Variants in ADGRG2 observed in about 807,000 individuals in gnomAD.
The protein encoded by ADGRG2 is G protein-coupled receptor 64.
A neutral mutation model predicts 74.1 loss-of-function variants in ADGRG2; 26 were observed. That is an observed-to-expected ratio of 0.35 (90% CI 0.26 to 0.49). ADGRG2 has a LOEUF of 0.49. Among genes scored for constraint, ADGRG2 ranks in the 20% least tolerant of loss-of-function variants. The probability of loss-of-function intolerance (pLI) is 0.99; values close to 1 mark genes in which losing one functional copy is unlikely to be tolerated. For synonymous variants in ADGRG2, 296 were observed against 295.2 expected, an observed-to-expected ratio of 1.00 and a Z score of -0.03; for missense variants, 619 against 763.1, an observed-to-expected ratio of 0.81 and a Z score of 2.22.
chrX:19,091,262 C>A (rs1004212203), intron 1 of ADGRG2, among the ~76,000 whole-genome samples: 2 of 110,589 alleles, frequency 1.8e-5, no homozygotes, highest in African/African-American at 6.6e-5. Context: ...TGGAAAGTCA[C>A]TGAAGGATTT....
At chrX:19,032,428 G>A (rs1239875271) in intron 8 of ADGRG2, 3 of 111,933 alleles carry the variant, frequency 2.7e-5, no homozygotes, top group Non-Finnish European at 5.6e-5. Context: ...TAGTTATGCT[G>A]TAAATGTCCT....
At chrX:19,095,724 T>G (rs1171251989) in intron 1 of ADGRG2, among the ~76,000 whole-genome samples, 1 of 111,762 alleles carries the variant, frequency 8.9e-6, no homozygotes, top group Non-Finnish European at 1.9e-5. Flanking sequence ...GTAAAAACAG[T>G]GCCGGGGAGC....
intron 2 of ADGRG2, among the ~76,000 whole-genome samples, chrX:19,071,862 C>T (rs998605557): frequency 1.8e-5 from 2 of 111,113 alleles, no homozygotes; most frequent in Admixed American, 9.6e-5. Context: ...ATTGAGTGAA[C>T]TTCAGTGCCA....
intron 3 of ADGRG2, among the ~76,000 whole-genome samples, chrX:19,047,368 C>CT (rs1320359915): frequency 9.0e-6 from 1 of 111,628 alleles, no homozygotes; most frequent in African/African-American, 3.3e-5. Flanking sequence ...AATAAACTAC[C>CT]TGCACCAAAG....
chrX:19,071,717 G>A (rs1420618438), intron 2 of ADGRG2, among the ~76,000 whole-genome samples: 1 of 110,565 alleles, frequency 9.0e-6, no homozygotes, highest in African/African-American at 3.3e-5. Flanking sequence ...TTCAGTTCAC[G>A]AAATTCACTG....
chrX:19,082,072 CAAA>C (rs57534658), intron 2 of ADGRG2, among the ~76,000 whole-genome samples: 1 of 21,210 alleles, frequency 4.7e-5, no homozygotes, highest in African/African-American at 1.4e-4. Context: ...GACCCTGTCT[CAAA>C]AAAAAAAAAA....
At chrX:19,020,157 A>C (rs1308859216) in intron 14 of ADGRG2, among the ~76,000 whole-genome samples, 2 of 112,042 alleles carry the variant, frequency 1.8e-5, no homozygotes, top group Non-Finnish European at 3.8e-5. Context: ...TCTATTGTAC[A>C]ACATGATGAC....
At chrX:19,018,134 A>AT (rs1320021609) in intron 15 of ADGRG2, among the ~76,000 whole-genome samples, 2 of 106,173 alleles carry the variant, frequency 1.9e-5, no homozygotes, top group Non-Finnish European at 3.8e-5. Context: ...TTTTATTTTT[A>AT]TTTTTTTTGA....
In ADGRG2 at chrX:19,065,520, C is replaced by T. The variant is rs1300449403; in HGVS notation, c.118+3197G>A. Among the ~76,000 whole-genome samples the T allele has an allele frequency of 3.6e-5, 4 of 110,970 alleles. No individual in the cohort carries two copies. In the Admixed American group the frequency reaches 3.9e-4, roughly 11 times the overall value. On this transcript the variant is annotated intron_variant, in intron 3 of 28. Coordinates refer to ENST00000379869, the MANE Select transcript of ADGRG2 (RefSeq NM_001079858.3). ...TTCCCTACTTAGGTTTGTTTCAGAG[C>T]CATGCACTTTCCTATTTACCTGCCC...
intron 3 of ADGRG2, among the ~76,000 whole-genome samples, chrX:19,067,363 G>T (rs1416944753): frequency 2.7e-5 from 3 of 112,402 alleles, no homozygotes; most frequent in African/African-American, 9.7e-5. Flanking sequence ...ATAACAAAGT[G>T]ATTTTTGACA....
intron 3 of ADGRG2, among the ~76,000 whole-genome samples, chrX:19,047,836 C>A (rs368622977): frequency 9.0e-6 from 1 of 111,713 alleles, no homozygotes; most frequent in African/African-American, 3.3e-5. Context: ...TACATAACCC[C>A]CAAAACTGAA....
At chrX:19,039,983 T>G (rs943421673) in intron 4 of ADGRG2, among the ~76,000 whole-genome samples, 1 of 112,297 alleles carries the variant, frequency 8.9e-6, no homozygotes, top group Non-Finnish European at 1.9e-5. Context: ...ATTTGTTGCC[T>G]GGCTTTGTCC....
At chrX:19,097,822 A>G (rs2062122830) in intron 1 of ADGRG2, among the ~76,000 whole-genome samples, 1 of 112,601 alleles carries the variant, frequency 8.9e-6, no homozygotes, top group Non-Finnish European at 1.9e-5. Context: ...GGGAGGTGCT[A>G]GGAGTGCAGT....
chrX:19,006,656 G>C (rs1210469043), intron 20 of ADGRG2, among the ~76,000 whole-genome samples: 4 of 105,512 alleles, frequency 3.8e-5, no homozygotes, highest in Non-Finnish European at 5.9e-5. Flanking sequence ...CTGAGAATCA[G>C]ACCTGCAGCC....
Position 19,004,883 on chromosome X carries a change from G to C in ADGRG2, c.1840-4C>G, listed in dbSNP as rs541588176. 22 of 1,163,288 alleles carry C rather than the reference G, an allele frequency of 1.9e-5. 2 individuals carry two copies. The highest frequency in any genetic ancestry group is 1.1e-4 in the African/African-American group (6 of 56,382). On this transcript the variant is annotated splice_region_variant and splice_polypyrimidine_tract_variant and intron_variant, in intron 22 of 28. Coordinates refer to ENST00000379869, the MANE Select transcript of ADGRG2 (RefSeq NM_001079858.3). ...GCACAGATGTCCTAGATAGGTCCTG[G>C]AAAATGAAATATTGCTTTTAATAAT...
At chrX:19,081,827 C>A (rs1180312288) in intron 2 of ADGRG2, among the ~76,000 whole-genome samples, 1 of 110,477 alleles carries the variant, frequency 9.1e-6, no homozygotes, top group East Asian at 2.8e-4. Flanking sequence ...GTAATCCCAG[C>A]ACTTTGGGAG....
intron 2 of ADGRG2, among the ~76,000 whole-genome samples, chrX:19,074,327 CCTCGTG>C (rs2061699780): frequency 1.4e-5 from 1 of 69,395 alleles, no homozygotes; most frequent in Non-Finnish European, 2.7e-5. Context: ...GCAGCCTCAA[CCTCGTG>C]GGCTCAATTG....
chrX:19,060,063 C>T (rs373807075), intron 3 of ADGRG2, among the ~76,000 whole-genome samples: 2 of 111,835 alleles, frequency 1.8e-5, no homozygotes, highest in Non-Finnish European at 3.8e-5. Context: ...AGCCGGGAGG[C>T]GGAGGTTGCA....
At chrX:19,025,045 G>C (rs2060670663) in intron 11 of ADGRG2, among the ~76,000 whole-genome samples, 1 of 111,964 alleles carries the variant, frequency 8.9e-6, no homozygotes, top group Admixed American at 9.4e-5. Context: ...ACAGTGCTGG[G>C]ATTATAGTCA....
Sources: allele counts gnomAD v4.1 joint callset (sites outside exome capture counted in the v4.1 genomes callset), GRCh38; gene constraint gnomAD v4.1.1; transcripts MANE v1.5; gene names NCBI Gene and HGNC (gene_info 2026-07-23, HGNC 2026-07-21).